The following SMYD3 variants were observed in gnomAD, a reference collection of about 807,000 sequenced individuals.
The protein encoded by SMYD3 is SET and MYND domain containing 3, also known as histone-lysine N-methyltransferase SMYD3.
A neutral mutation model predicts 57.7 loss-of-function variants in SMYD3; 36 were observed. That is an observed-to-expected ratio of 0.62 (90% CI 0.48 to 0.82). The LOEUF is 0.82. Ranked by LOEUF, SMYD3 falls within the 40% of genes least tolerant of loss-of-function variation. The pLI is 0.00. For synonymous variants in SMYD3, 211 were observed against 195.0 expected (o/e 1.08, Z -0.68); for missense variants, 515 against 538.8 (o/e 0.96, Z 0.44).
intron 10 of SMYD3, among the ~76,000 whole-genome samples, chr1:245,825,334 A>C (rs2049421974): frequency 6.6e-6 from 1 of 152,194 alleles, no homozygotes; most frequent in Non-Finnish European, 1.5e-5. Flanking sequence ...CTTGTGGTTT[A>C]AGTCCCTCTT....
intron 10 of SMYD3, among the ~76,000 whole-genome samples, chr1:245,840,353 A>T (rs2050336684): frequency 6.6e-6 from 1 of 152,196 alleles, no homozygotes; most frequent in South Asian, 2.1e-4. Context: ...ATCAGAAATA[A>T]CAGATCTTAC....
intron 5 of SMYD3, among the ~76,000 whole-genome samples, chr1:246,075,343 G>A (rs564841131): frequency 2.0e-5 from 3 of 152,146 alleles, no homozygotes; most frequent in Non-Finnish European, 4.4e-5. Context: ...AGTCTTACAT[G>A]GTAAGAACTC....
At chr1:245,911,778 G>C (rs1187161113) in intron 8 of SMYD3, among the ~76,000 whole-genome samples, 1 of 152,058 alleles carries the variant, frequency 6.6e-6, no homozygotes, top group Non-Finnish European at 1.5e-5. Flanking sequence ...ATGCATACAA[G>C]ATTACAGCTC....
intron 10 of SMYD3, among the ~76,000 whole-genome samples, chr1:245,808,494 A>G (rs557736760): frequency 6.6e-6 from 1 of 152,364 alleles, no homozygotes; most frequent in East Asian, 1.9e-4. Context: ...CTTTCACTTT[A>G]TCTGAGAACC....
rs188144366 is a variant in SMYD3, at chr1:246,277,312, G to A, written c.531+49889C>T. ...ATGCCAACTAAAACCACAATATAAC[G>A]TCCTTGCACACTGTTACAATGGCTA... On this transcript the variant is annotated intron_variant, in intron 5 of 11. Transcript: ENST00000490107. Among the ~76,000 whole-genome samples the A allele has an allele frequency of 1.6e-4, 25 of 152,154 alleles. No individual in the cohort carries two copies. The East Asian group carries it at 4.1e-3, about 25-fold the overall frequency.
At chr1:246,295,397 G>A (rs1231215176) in intron 5 of SMYD3, among the ~76,000 whole-genome samples, 1 of 152,166 alleles carries the variant, frequency 6.6e-6, no homozygotes, top group Non-Finnish European at 1.5e-5. Context: ...TCTTAATAAA[G>A]AAAAACAGTT....
intron 5 of SMYD3, among the ~76,000 whole-genome samples, chr1:246,233,040 G>A (rs12735122): frequency 0.026 from 2,786 of 107,044 alleles, 187 homozygotes; most frequent in East Asian, 0.072. Flanking sequence ...TACCACACAG[G>A]GGAGAAGCAC....
chr1:245,801,121 C>T (rs963557968), intron 10 of SMYD3, among the ~76,000 whole-genome samples: 6 of 152,172 alleles, frequency 3.9e-5, no homozygotes, highest in Non-Finnish European at 8.8e-5. Context: ...AAATAAACAG[C>T]CCCACTTAAG....
chr1:246,150,813 C>G (rs1351278269), intron 5 of SMYD3, among the ~76,000 whole-genome samples: 1 of 152,226 alleles, frequency 6.6e-6, no homozygotes, highest in Non-Finnish European at 1.5e-5. Context: ...GGCTTACTCA[C>G]TTCCCCTCCA....
chr1:246,345,750 C>A lies in SMYD3; in HGVS notation c.228+9281G>T, dbSNP rs557624371. On this transcript the variant is annotated intron_variant, in intron 2 of 11. Transcript: ENST00000490107. ...AGCAAAAAGCTCAATCCTGAGCATG[C>A]CTTTGATAGGCAAACTAAATGATCC... Among the ~76,000 whole-genome samples, 16 of 152,268 alleles carry A rather than the reference C, an allele frequency of 1.1e-4. No individual in the cohort carries two copies. The East Asian group carries it at 3.1e-3, about 29-fold the overall frequency.
intron 5 of SMYD3, among the ~76,000 whole-genome samples, chr1:246,285,822 GGGCTA>G (rs2064549716): frequency 6.6e-6 from 1 of 151,978 alleles, no homozygotes; most frequent in African/African-American, 2.4e-5. Flanking sequence ...ACCAAAAAGT[GGGCTA>G]AGGATACGAA....
intron 11 of SMYD3, among the ~76,000 whole-genome samples, chr1:245,759,913 C>T (rs1034919425): frequency 6.6e-6 from 1 of 152,208 alleles, no homozygotes; most frequent in Non-Finnish European, 1.5e-5. Context: ...CTCTGATTAA[C>T]AAGACAGCCC....
At chr1:246,279,839 G>A (rs2064408498) in intron 5 of SMYD3, among the ~76,000 whole-genome samples, 1 of 152,106 alleles carries the variant, frequency 6.6e-6, no homozygotes, top group Non-Finnish European at 1.5e-5. Context: ...GCGTCTTCCA[G>A]GTCTAAGAGT....
At chr1:246,419,776 T>G (rs1320010552) in intron 1 of SMYD3, among the ~76,000 whole-genome samples, 1 of 152,238 alleles carries the variant, frequency 6.6e-6, no homozygotes, top group African/African-American at 2.4e-5. Flanking sequence ...TAATACCTGA[T>G]GATCCAAGGT....
At chr1:246,189,532 T>G (rs1004246601) in intron 5 of SMYD3, among the ~76,000 whole-genome samples, 1 of 152,170 alleles carries the variant, frequency 6.6e-6, no homozygotes, top group African/African-American at 2.4e-5. Flanking sequence ...AAGGGACATA[T>G]AAGACAAAAT....
Position 246,240,607 on chromosome 1 carries a change from GT to G in SMYD3, c.531+86593del, listed in dbSNP as rs1252572019. Among the ~76,000 whole-genome samples the G allele has an allele frequency of 1.4e-4, 21 of 152,234 alleles. No individual in the cohort carries two copies. In the East Asian group the frequency reaches 4.1e-3, roughly 29 times the overall value. On this transcript the variant is annotated intron_variant, in intron 5 of 11. Coordinates refer to ENST00000490107, the MANE Select transcript of SMYD3 (RefSeq NM_001167740.2). ...TTGGTTCCATATGAACTTTAAAGTAGTTTTTTCCAATTCTGTGAAGAAAGTC... is the reference window on the plus strand; with the variant it reads ...TTGGTTCCATATGAACTTTAAAGTAGTTTTTCCAATTCTGTGAAGAAAGTC...
intron 10 of SMYD3, among the ~76,000 whole-genome samples, chr1:245,838,005 T>C (rs913611619): frequency 2.0e-5 from 3 of 152,368 alleles, no homozygotes; most frequent in East Asian, 1.9e-4. Context: ...ATCGAATTAG[T>C]TGGCAGTTGA....
At chr1:245,852,332 T>C (rs1199030911) in intron 10 of SMYD3, among the ~76,000 whole-genome samples, 1 of 152,162 alleles carries the variant, frequency 6.6e-6, no homozygotes, top group East Asian at 1.9e-4. Context: ...ACCAGTAGGT[T>C]CAGTGCTGGA....
At chr1:246,318,848 T>C (rs551072298) in intron 5 of SMYD3, among the ~76,000 whole-genome samples, 2 of 152,226 alleles carry the variant, frequency 1.3e-5, no homozygotes, top group Admixed American at 1.3e-4. Flanking sequence ...TTACTAATTA[T>C]CCTTCCCAAC....
Sources: gnomAD v4.1 joint callset for allele counts (sites outside exome capture counted in the v4.1 genomes callset) on GRCh38, gnomAD v4.1.1 for gene constraint, MANE v1.5 for transcripts, NCBI Gene and HGNC (gene_info 2026-07-23, HGNC 2026-07-21) for gene names.